The following PHACTR2 variants were observed in gnomAD, a reference collection of about 807,000 sequenced individuals.
The protein encoded by PHACTR2 is chromosome 6 open reading frame 56.
In PHACTR2, 30 loss-of-function variants were observed where a neutral mutation model predicts 76.0. That is an observed-to-expected ratio of 0.39 (90% confidence interval 0.30 to 0.54). The LOEUF is 0.54. PHACTR2 is among the 20% of genes least tolerant of loss of function. The pLI, the probability that PHACTR2 is intolerant of heterozygous loss-of-function variation, is 0.61. For missense variants in PHACTR2, 696 were observed against 781.1 expected, an observed-to-expected ratio of 0.89 and a Z score of 1.30; for synonymous variants, 292 against 292.5, an observed-to-expected ratio of 1.00 and a Z score of 0.02.
At chr6:143,773,099 G>A (rs953626533) in intron 7 of PHACTR2, among the ~76,000 whole-genome samples, 2 of 152,134 alleles carry the variant, frequency 1.3e-5, no homozygotes, top group Non-Finnish European at 2.9e-5. Context: ...TGTAATTCCA[G>A]CTGCTCGGGA....
At chr6:143,604,849 G>A (rs147606953), upstream of PHACTR2, among the ~76,000 whole-genome samples, 3,180 of 147,376 alleles carry the variant, frequency 0.022, 110 homozygotes, top group African/African-American at 0.073. Flanking sequence ...CCAAGATTGC[G>A]CCATTGCACT....
At chr6:143,694,531 A>G (rs988480569) in intron 1 of PHACTR2, among the ~76,000 whole-genome samples, 3 of 152,202 alleles carry the variant, frequency 2.0e-5, no homozygotes, top group African/African-American at 2.4e-5. Context: ...CTCAAATGTC[A>G]CTACATATAT....
Position 143,549,855 on chromosome 6 carries a change from C to G in PHACTR2, c.217+12648C>G, listed in dbSNP as rs1338026601. Among the ~76,000 whole-genome samples, 2 of 151,844 alleles carry G rather than the reference C, an allele frequency of 1.3e-5. No homozygotes were observed. Among genetic ancestry groups the G allele is most frequent in the Admixed American group, 6.6e-5 (1 of 15,246 alleles). ...GTGTCTCGGTATGATTCAGCCGGTC[C>G]CTGGCCTCAACAAGCAAGCTCTTAA... is the stretch of plus-strand genomic sequence containing the variant. On this transcript the variant is annotated intron_variant, in intron 1 of 11. Coordinates refer to the PHACTR2 transcript ENST00000367584. The surrounding 1 kb of genome is among the most constrained non-coding windows in gnomAD (Gnocchi z 4.2).
At position 143,739,096 on chromosome 6, in the gene PHACTR2, C is replaced by T. The variant is rs771491611; in HGVS notation, c.215-9889C>T. On this transcript the variant is annotated intron_variant, in intron 2 of 12. Transcript: ENST00000440869. The surrounding 1 kb of genome is among the most constrained non-coding windows in gnomAD (Gnocchi z 4.3). ...TTTATTTATTTTTGAGACGGAGTCTCTCTCTGTCCCGAGGCTGGAGTGCAG... is the reference window on the plus strand; with the variant it reads ...TTTATTTATTTTTGAGACGGAGTCTTTCTCTGTCCCGAGGCTGGAGTGCAG... 1.4e-4 allele frequency among the ~76,000 whole-genome samples: 21 copies of T among 152,134 alleles called. No homozygotes were observed. Among genetic ancestry groups the T allele is most frequent in the Non-Finnish European group, 2.6e-4 (18 of 68,018 alleles).
chr6:143,575,697 C>G (rs1775498136), intron 1 of PHACTR2, among the ~76,000 whole-genome samples: 1 of 152,170 alleles, frequency 6.6e-6, no homozygotes, highest in African/African-American at 2.4e-5. Flanking sequence ...CCTTGAGAAG[C>G]AATATGAGAT....
Position 143,830,378 on chromosome 6 carries a change from G to T in PHACTR2, c.*6689G>T, listed in dbSNP as rs1367316488. The T allele has an allele frequency of 6.6e-6, 1 of 151,020 alleles. No individual in the cohort carries two copies. Among genetic ancestry groups the T allele is most frequent in the Non-Finnish European group, 1.5e-5 (1 of 67,896 alleles). 9.4% of individuals were successfully genotyped at this position (151,020 alleles called of 1,614,324 possible). A position where few individuals can be genotyped will look rare whatever the true frequency, so the allele number is the denominator to read the frequency against. On this transcript the variant is annotated 3_prime_UTR_variant, in exon 13 of 13. Transcript: ENST00000440869. ...CACTTCAGTTAAAGTGATAACAATG[G>T]TAAACTGTGATCATTATCAGACTGA...
chr6:143,577,690 T>A (rs1489031155), intron 1 of PHACTR2, among the ~76,000 whole-genome samples: 1 of 151,936 alleles, frequency 6.6e-6, no homozygotes, highest in Admixed American at 6.6e-5. Context: ...AAACAGTAGA[T>A]AACAGTTGAA....
rs975915003 is a variant in PHACTR2, at chr6:143,667,133, G to A, written c.14-44883G>A. ...TTCCCAACACCATTTATTAAGTAGGGAATCCTTTCTCCATTGCTTGTTTTT... is the reference window on the plus strand; with the variant it reads ...TTCCCAACACCATTTATTAAGTAGGAAATCCTTTCTCCATTGCTTGTTTTT... On this transcript the variant is annotated intron_variant, in intron 1 of 11. Transcript: ENST00000305766. 6.6e-5 allele frequency among the ~76,000 whole-genome samples: 10 copies of A among 152,172 alleles called. No homozygotes were observed. The South Asian group carries it at 2.1e-3, about 32-fold the overall frequency.
At chr6:143,645,376 C>T (rs974605355) in intron 1 of PHACTR2, among the ~76,000 whole-genome samples, 2 of 151,926 alleles carry the variant, frequency 1.3e-5, no homozygotes, top group African/African-American at 4.8e-5. Context: ...TCGCAGTGAC[C>T]TGGTTGAGTT....
Position 143,583,935 on chromosome 6 carries a change from A to C in PHACTR2, c.217+46728A>C, listed in dbSNP as rs1485060174. Among the ~76,000 whole-genome samples, 3 of 152,214 alleles carry C rather than the reference A, an allele frequency of 2.0e-5. No homozygotes were observed. Among genetic ancestry groups the C allele is most frequent in the African/African-American group, 7.2e-5 (3 of 41,448 alleles). On this transcript the variant is annotated intron_variant, in intron 1 of 11. Transcript: ENST00000367584. The surrounding 1 kb of genome is among the most constrained non-coding windows in gnomAD (Gnocchi z 4.0). ...ATTTATCTCTACACTTTTTCTTCCT[A>C]GCACTGTGTCTAGCACTCAGGATAT...
intron 1 of PHACTR2, among the ~76,000 whole-genome samples, chr6:143,614,531 A>C (rs1776031790): frequency 6.6e-6 from 1 of 152,144 alleles, no homozygotes; most frequent in Non-Finnish European, 1.5e-5. Flanking sequence ...ACTTTTGGTA[A>C]GTAACTTTTA....
At chr6:143,690,393 C>A (rs1777617214) in intron 1 of PHACTR2, among the ~76,000 whole-genome samples, 1 of 151,986 alleles carries the variant, frequency 6.6e-6, no homozygotes, top group Non-Finnish European at 1.5e-5. Context: ...CTTCAGATTG[C>A]TGGATCCCAT....
rs1347444719 is a variant in PHACTR2, at chr6:143,819,163, AATAGTT to A, written c.1923-4508_1923-4503del. Among the ~76,000 whole-genome samples, 1 of 152,162 alleles carries A rather than the reference AATAGTT, an allele frequency of 6.6e-6. No individual in the cohort carries two copies. Among genetic ancestry groups the A allele is most frequent in the Non-Finnish European group, 1.5e-5 (1 of 68,040 alleles). ...TGTTCAGTGACTTATGCATTCAACA[AATAGTT>A]ATTGAGCACATCCCTAGTGAGCCAG... On this transcript the variant is annotated intron_variant, in intron 12 of 12. Transcript: ENST00000440869. The surrounding 1 kb of genome is among the most constrained non-coding windows in gnomAD (Gnocchi z 5.0).
intron 1 of PHACTR2, among the ~76,000 whole-genome samples, chr6:143,669,830 G>C (rs1011272936): frequency 6.6e-6 from 1 of 151,804 alleles, no homozygotes; most frequent in Non-Finnish European, 1.5e-5. Flanking sequence ...TCTTTTAATT[G>C]GGGCATTTAG....
In PHACTR2 at chr6:143,616,261, T is replaced by C. The variant is rs1776058102; in HGVS notation, c.13+7939T>C. The stretch of plus-strand genomic sequence containing the variant: ...AGTGATTGAAATTGTGCCTCAGGAC[T>C]GGACTTTAGAATCATAATTTCCTTT... On this transcript the variant is annotated intron_variant, in intron 1 of 11. Transcript: ENST00000305766. This position sits in a 1 kb window ranked among gnomAD's most constrained non-coding sequence, Gnocchi z 4.9. Among the ~76,000 whole-genome samples, 1 of 152,258 alleles carries C rather than the reference T, an allele frequency of 6.6e-6. No homozygotes were observed. The highest frequency in any genetic ancestry group is 2.4e-5 in the African/African-American group (1 of 41,470).
At chr6:143,629,538 G>A (rs1776324311) in intron 1 of PHACTR2, among the ~76,000 whole-genome samples, 1 of 152,118 alleles carries the variant, frequency 6.6e-6, no homozygotes, top group African/African-American at 2.4e-5. Flanking sequence ...TATTGCGATG[G>A]AAGCTCATAC....
chr6:143,626,303 C>T (rs1380594972), intron 1 of PHACTR2, among the ~76,000 whole-genome samples: 1 of 151,994 alleles, frequency 6.6e-6, no homozygotes, highest in African/African-American at 2.4e-5. Context: ...TTTGGGAGGC[C>T]GAGATGGGTG....
chr6:143,657,053 G>A (rs539008050), intron 1 of PHACTR2, among the ~76,000 whole-genome samples: 1 of 150,474 alleles, frequency 6.6e-6, no homozygotes, highest in Admixed American at 6.6e-5. Flanking sequence ...TGGATGCAGG[G>A]AGGGGAACAC....
rs1416867249 is a variant in PHACTR2 at position 143,816,171 on chromosome 6, A to G, written c.1923-7503A>G. On this transcript the variant is annotated intron_variant, in intron 12 of 12. Coordinates refer to ENST00000440869, the MANE Select transcript of PHACTR2 (RefSeq NM_001100164.2). This position sits in a 1 kb window ranked among gnomAD's most constrained non-coding sequence, Gnocchi z 4.5. ...CTTCAGTATCCTTAGGGCACAGTAA[A>G]TCTATTTATTCCTCCACCAACTTGA... Among the ~76,000 whole-genome samples, 1 of 152,180 alleles carries G rather than the reference A, an allele frequency of 6.6e-6. No homozygotes were observed. The highest frequency in any genetic ancestry group is 1.9e-4 in the East Asian group (1 of 5,192).
Sources: gnomAD v4.1 joint callset for allele counts (sites outside exome capture counted in the v4.1 genomes callset) on GRCh38, gnomAD v4.1.1 for gene constraint, Gnocchi (gnomAD v3.1) non-coding constraint, MANE v1.5 for transcripts, NCBI Gene and HGNC (gene_info 2026-07-23, HGNC 2026-07-21) for gene names.